CSMD1: variants seen among roughly 807,000 people sequenced by gnomAD.
CSMD1 encodes the protein CUB and sushi domain-containing protein 1.
A neutral mutation model predicts 417.5 loss-of-function variants in CSMD1; 213 were observed. The observed-to-expected ratio is 0.51, with a 90% CI of 0.46 to 0.57. The LOEUF (loss-of-function observed/expected upper bound fraction) is 0.57. Among genes scored for constraint, CSMD1 ranks in the 20% least tolerant of loss-of-function variants. The probability of loss-of-function intolerance (pLI) is 0.00; values close to 1 mark genes in which losing one functional copy is unlikely to be tolerated. For missense variants in CSMD1, 6,923 were observed against 4,529.7 expected, an observed-to-expected ratio of 1.53 and a Z score of -15.17; for synonymous variants, 2,862 against 1,736.8, an observed-to-expected ratio of 1.65 and a Z score of -16.11.
chr8:4,179,414 T>C (rs1334513824), intron 3 of CSMD1, among the ~76,000 whole-genome samples: 4 of 152,042 alleles, frequency 2.6e-5, no homozygotes, highest in Non-Finnish European at 4.4e-5. Context: ...TTACACCCTA[T>C]ACAAAAATCA....
At chr8:3,871,371 A>G (rs1456275416) in intron 5 of CSMD1, among the ~76,000 whole-genome samples, 1 of 152,096 alleles carries the variant, frequency 6.6e-6, no homozygotes, top group Non-Finnish European at 1.5e-5. Context: ...TACTAAAATA[A>G]TGGATTAAAA....
rs117748902 is a variant in CSMD1, at chr8:3,515,885, A to G, written c.1345-22159T>C. Among the ~76,000 whole-genome samples, 20 of 152,354 alleles carry G rather than the reference A, an allele frequency of 1.3e-4. No homozygotes were observed. The East Asian group carries it at 2.7e-3, about 21-fold the overall frequency. ...GGGGAAAATTAACTTCTCATAGCATATCTTGAAATAGTGTTTGGTTACAGC... is the reference window on the plus strand; with the variant it reads ...GGGGAAAATTAACTTCTCATAGCATGTCTTGAAATAGTGTTTGGTTACAGC... On this transcript the variant is annotated intron_variant, in intron 10 of 69. Transcript: ENST00000635120.
Position 4,398,275 on chromosome 8 carries a change from A to C in CSMD1, c.415+21678T>G, listed in dbSNP as rs553406083. ...GTAATATTGTGGTGTGGTTATTTCTACTTCGGGGTGGACAATCGTCTCTAC... is the reference window on the plus strand; with the variant it reads ...GTAATATTGTGGTGTGGTTATTTCTCCTTCGGGGTGGACAATCGTCTCTAC... On this transcript the variant is annotated intron_variant, in intron 3 of 69. Coordinates refer to ENST00000635120, the MANE Select transcript of CSMD1 (RefSeq NM_033225.6). Among the ~76,000 whole-genome samples, 82 of 151,890 alleles carry C rather than the reference A, an allele frequency of 5.4e-4. 1 individual carries two copies. The highest frequency in any genetic ancestry group is 2.0e-3 in the African/African-American group (82 of 41,416).
At chr8:3,267,008 G>C (rs985693690) in intron 26 of CSMD1, among the ~76,000 whole-genome samples, 7 of 152,176 alleles carry the variant, frequency 4.6e-5, no homozygotes, top group African/African-American at 1.7e-4. Flanking sequence ...ATATGTGAAC[G>C]ATGGTAGTTT....
chr8:3,856,874 T>C (rs1804350892), intron 5 of CSMD1, among the ~76,000 whole-genome samples: 1 of 151,996 alleles, frequency 6.6e-6, no homozygotes, highest in Non-Finnish European at 1.5e-5. Flanking sequence ...TGGACATGAG[T>C]CATGAAATGA....
chr8:4,750,655 G>C (rs913332880), intron 1 of CSMD1, among the ~76,000 whole-genome samples: 1 of 151,690 alleles, frequency 6.6e-6, no homozygotes, highest in Non-Finnish European at 1.5e-5. Context: ...TAAAATTAAA[G>C]GAATCTAGTT....
At chr8:3,434,051 G>A (rs914017783) in intron 12 of CSMD1, among the ~76,000 whole-genome samples, 2 of 152,132 alleles carry the variant, frequency 1.3e-5, no homozygotes, top group Non-Finnish European at 2.9e-5. Context: ...ATCATTCCTG[G>A]CATTCTTTGA....
At chr8:4,640,369 T>C (rs1803116597) in intron 1 of CSMD1, among the ~76,000 whole-genome samples, 1 of 152,234 alleles carries the variant, frequency 6.6e-6, no homozygotes, top group African/African-American at 2.4e-5. Flanking sequence ...TGCAACTTAA[T>C]ACTGCATCTT....
At chr8:3,207,418 C>T (rs567520050) in intron 30 of CSMD1, among the ~76,000 whole-genome samples, 16 of 151,784 alleles carry the variant, frequency 1.1e-4, no homozygotes, top group Non-Finnish European at 2.2e-4. Context: ...GCTGGGATTA[C>T]AAACGTGAGC....
At chr8:4,742,000 CTTTTTTTTTTTTTTTTTTT>C (rs71209120) in intron 1 of CSMD1, among the ~76,000 whole-genome samples, 5 of 73,812 alleles carry the variant, frequency 6.8e-5, no homozygotes, top group African/African-American at 2.7e-4. Flanking sequence ...ACCACACCCA[CTTTTTTTTTTTTTTTTTTT>C]TTTTTTTTTT....
At chr8:4,157,749 C>A (rs1796914467) in intron 3 of CSMD1, among the ~76,000 whole-genome samples, 1 of 152,200 alleles carries the variant, frequency 6.6e-6, no homozygotes, top group South Asian at 2.1e-4. Context: ...GGAGTCAGGG[C>A]CAGGGCTGAC....
At chr8:3,784,138 CTT>C (rs1799323064) in intron 5 of CSMD1, among the ~76,000 whole-genome samples, 1 of 105,350 alleles carries the variant, frequency 9.5e-6, no homozygotes, top group South Asian at 2.5e-4. Flanking sequence ...TTTCCTCTCT[CTT>C]TCTCTCTCTC....
At chr8:4,927,100 A>G (rs551413678) in intron 1 of CSMD1, among the ~76,000 whole-genome samples, 1 of 148,258 alleles carries the variant, frequency 6.7e-6, no homozygotes, top group Admixed American at 6.8e-5. Flanking sequence ...TATTATTATT[A>G]TTATTATTAT....
intron 7 of CSMD1, among the ~76,000 whole-genome samples, chr8:3,661,613 C>A (rs1268695693): frequency 6.6e-6 from 1 of 152,142 alleles, no homozygotes; most frequent in Admixed American, 6.5e-5. Flanking sequence ...TCTCCCGCCT[C>A]AGCCTCCCAA....
intron 1 of CSMD1, among the ~76,000 whole-genome samples, chr8:4,835,110 CATTT>C (rs1190052420): frequency 6.6e-6 from 1 of 151,340 alleles, no homozygotes; most frequent in Non-Finnish European, 1.5e-5. Flanking sequence ...ACCTGGGAAT[CATTT>C]ATTATTAAGG....
intron 10 of CSMD1, among the ~76,000 whole-genome samples, chr8:3,565,159 A>AAAAAAAAAAG (rs1554471702): frequency 7.2e-6 from 1 of 138,094 alleles, no homozygotes; most frequent in Non-Finnish European, 1.5e-5. Context: ...AAAAAAAAAA[A>AAAAAAAAAAG]AGAGAGAGAT....
intron 67 of CSMD1, among the ~76,000 whole-genome samples, chr8:2,949,702 A>G (rs1027359126): frequency 1.3e-5 from 2 of 152,170 alleles, no homozygotes; most frequent in Non-Finnish European, 2.9e-5. Flanking sequence ...ATTAAGAAAT[A>G]ATCTACATTA....
intron 46 of CSMD1, among the ~76,000 whole-genome samples, chr8:3,105,842 G>C (rs981841196): frequency 9.2e-5 from 14 of 152,208 alleles, no homozygotes; most frequent in South Asian, 4.1e-4. Context: ...AGATAGGCAT[G>C]TGATAAAGGA....
At chr8:3,993,898 G>A (rs971287045) in intron 5 of CSMD1, among the ~76,000 whole-genome samples, 2 of 152,142 alleles carry the variant, frequency 1.3e-5, no homozygotes, top group Non-Finnish European at 2.9e-5. Flanking sequence ...GGCAGTGGGC[G>A]ATTTCCACGT....
Sources: allele counts gnomAD v4.1 joint callset (sites outside exome capture counted in the v4.1 genomes callset), GRCh38; gene constraint gnomAD v4.1.1; transcripts MANE v1.5; gene names NCBI Gene and HGNC (gene_info 2026-07-23, HGNC 2026-07-21).